The following ENAH variants were observed in gnomAD, a reference collection of about 807,000 sequenced individuals.
ENAH encodes protein enabled homolog.
A neutral mutation model predicts 78.7 loss-of-function variants in ENAH; 23 were observed. That is an observed-to-expected ratio of 0.29 (90% CI 0.21 to 0.41). The LOEUF is 0.41. ENAH is among the 10% of genes least tolerant of loss of function. The pLI is 1.00. For missense variants in ENAH, 544 were observed against 691.0 expected, an observed-to-expected ratio of 0.79 and a Z score of 2.39; for synonymous variants, 226 against 241.0, an observed-to-expected ratio of 0.94 and a Z score of 0.58.
At chr1:225,533,476 G>C (rs1575435094) in intron 3 of ENAH, among the ~76,000 whole-genome samples, 3 of 152,210 alleles carry the variant, frequency 2.0e-5, no homozygotes, top group Admixed American at 2.0e-4. Context: ...TTTGGGGAGG[G>C]GAAAAAGAGG....
chr1:225,614,085 G>A (rs1272929637), intron 1 of ENAH, among the ~76,000 whole-genome samples: 3 of 150,212 alleles, frequency 2.0e-5, no homozygotes, highest in Non-Finnish European at 4.4e-5. Flanking sequence ...TTGAGATGGA[G>A]TCTCATTCTG....
At chr1:225,621,296 CT>C (rs757480714) in intron 1 of ENAH, among the ~76,000 whole-genome samples, 222 of 142,558 alleles carry the variant, frequency 1.6e-3, no homozygotes, top group Middle Eastern at 7.2e-3. Context: ...ATCTATCTCT[CT>C]TTTTTTTTTT....
chr1:225,515,789 T>C (rs2096412782), intron 6 of ENAH, among the ~76,000 whole-genome samples: 2 of 152,192 alleles, frequency 1.3e-5, no homozygotes, highest in Admixed American at 6.5e-5. Flanking sequence ...CATCAATTGT[T>C]AAAAGAAGCA....
intron 1 of ENAH, chr1:225,652,335 G>A: frequency 1.0e-6 from 1 of 985,276 alleles, no homozygotes; most frequent in Non-Finnish European, 1.2e-6. Flanking sequence ...CCAGCAACAC[G>A]CACGCTTCGA....
intron 1 of ENAH, among the ~76,000 whole-genome samples, chr1:225,601,014 T>G (rs1265235819): frequency 6.6e-6 from 1 of 152,050 alleles, no homozygotes; most frequent in Non-Finnish European, 1.5e-5. Context: ...AAAAGGGATT[T>G]AAAAATACAT....
intron 1 of ENAH, among the ~76,000 whole-genome samples, chr1:225,633,377 C>T (rs1435573036): frequency 2.0e-5 from 3 of 152,082 alleles, no homozygotes; most frequent in African/African-American, 7.2e-5. Context: ...TTTAACACCC[C>T]AGCCCAACTG....
chr1:225,538,920 T>C (rs2096575447), intron 3 of ENAH, among the ~76,000 whole-genome samples: 1 of 152,212 alleles, frequency 6.6e-6, no homozygotes, highest in Non-Finnish European at 1.5e-5. Flanking sequence ...GAGTAACCTG[T>C]GTCCTCAGGT....
At chr1:225,510,697 C>T (rs2096369803) in intron 10 of ENAH, among the ~76,000 whole-genome samples, 1 of 104,016 alleles carries the variant, frequency 9.6e-6, no homozygotes, top group Admixed American at 1.1e-4. Context: ...TTCAGAGGTA[C>T]TTAAAAAAAA....
rs147983149 is a variant in ENAH at position 225,550,364 on chromosome 1, G to C, written c.349+4542C>G. The stretch of plus-strand genomic sequence containing the variant: ...AGCTGTAGCCCGACTGTGACATCAG[G>C]CAAGGGACAGGCTTTATTTATCATT... On this transcript the variant is annotated intron_variant, in intron 3 of 13. Transcript: ENST00000366843. Among the ~76,000 whole-genome samples, 256 of 152,252 alleles carry C rather than the reference G, an allele frequency of 1.7e-3. 1 individual carries two copies. The highest frequency in any genetic ancestry group is 5.8e-3 in the African/African-American group (239 of 41,540).
intron 1 of ENAH, among the ~76,000 whole-genome samples, chr1:225,635,369 GTTGT>G (rs1659874189): frequency 6.6e-6 from 1 of 152,168 alleles, no homozygotes; most frequent in African/African-American, 2.4e-5. Context: ...ATTTTTTTCA[GTTGT>G]TTATCGTAGG....
intron 4 of ENAH, among the ~76,000 whole-genome samples, chr1:225,520,331 CAAGA>C (rs142583107): frequency 0.09 from 13,680 of 151,204 alleles, 668 homozygotes; most frequent in Admixed American, 0.14. Context: ...GAAAAAGAGT[CAAGA>C]AAGAAGAAAT....
intron 11 of ENAH, among the ~76,000 whole-genome samples, chr1:225,501,861 A>C (rs996480086): frequency 6.6e-6 from 1 of 152,326 alleles, no homozygotes; most frequent in East Asian, 1.9e-4. Context: ...GTATATTTTA[A>C]ACAAGTTTCA....
In ENAH at chr1:225,652,696, C is replaced by A; in HGVS notation, c.-6G>T. ...CCGCGCGCCCCTCACCTCATGGTGCCGGCGGCGCAGAGGCTTCCCCACCAG... is the reference window on the plus strand; with the variant it reads ...CCGCGCGCCCCTCACCTCATGGTGCAGGCGGCGCAGAGGCTTCCCCACCAG... On this transcript the variant is annotated 5_prime_UTR_variant, in exon 1 of 14. Coordinates refer to ENST00000366843, the MANE Select transcript of ENAH (RefSeq NM_018212.6). 7.6e-7 allele frequency: 1 copy of A among 1,319,146 alleles called. No individual in the cohort carries two copies. Among genetic ancestry groups the A allele is most frequent in the Non-Finnish European group, 9.6e-7 (1 of 1,036,838 alleles). 81.7% of individuals were successfully genotyped at this position (1,319,146 alleles called of 1,614,324 possible). A position where few individuals can be genotyped will look rare whatever the true frequency, so the allele number is the denominator to read the frequency against.
intron 1 of ENAH, among the ~76,000 whole-genome samples, chr1:225,608,220 G>GAAAAAAAAAAAAAAAAAAAAACAAA (rs60998592): frequency 1.1e-5 from 1 of 91,286 alleles, no homozygotes; most frequent in Non-Finnish European, 2.2e-5. Context: ...ATAAAAAACA[G>GAAAAAAAAAAAAAAAAAAAAACAAA]AAAAAAAAAA....
At chr1:225,517,423 G>A (rs1446089482) in intron 5 of ENAH, 117 bp from the exon 6 acceptor site, 3 of 1,551,806 alleles carry the variant, frequency 1.9e-6, no homozygotes, top group Non-Finnish European at 2.6e-6. Context: ...GGAAGGCAGT[G>A]GAGGCGGCGG....
intron 1 of ENAH, among the ~76,000 whole-genome samples, chr1:225,575,438 A>G (rs1051018948): frequency 6.6e-6 from 1 of 152,226 alleles, no homozygotes; most frequent in Non-Finnish European, 1.5e-5. Flanking sequence ...CATCACGTAC[A>G]GGGTCCACTA....
chr1:225,603,817 C>T (rs1336234950), intron 1 of ENAH, among the ~76,000 whole-genome samples: 1 of 152,104 alleles, frequency 6.6e-6, no homozygotes, highest in Admixed American at 6.6e-5. Context: ...GAAATCACTA[C>T]AAAGAATTTC....
chr1:225,507,923 T>C, intron 11 of ENAH, 28 bp downstream of exon 11: 1 of 1,477,994 alleles, frequency 6.8e-7, no homozygotes, highest in Non-Finnish European at 9.1e-7. Context: ...ACAAATAAAA[T>C]ATAAAACTTA....
chr1:225,597,587 G>A (rs922934136), intron 1 of ENAH, among the ~76,000 whole-genome samples: 11 of 151,022 alleles, frequency 7.3e-5, no homozygotes, highest in African/African-American at 2.7e-4. Context: ...ACCCCTCGGA[G>A]GTACAGGCTG....
Sources: allele counts gnomAD v4.1 joint callset (sites outside exome capture counted in the v4.1 genomes callset), GRCh38; gene constraint gnomAD v4.1.1; transcripts MANE v1.5; gene names NCBI Gene and HGNC (gene_info 2026-07-23, HGNC 2026-07-21).